PIK3R5: variants seen among roughly 807,000 people sequenced by gnomAD.
PIK3R5 encodes the protein phosphoinositide 3-kinase regulatory subunit 5.
PIK3R5 carries 32 observed loss-of-function variants against 94.9 expected under a neutral mutation model. The observed-to-expected ratio is 0.34, with a 90% CI of 0.25 to 0.45. PIK3R5 has a LOEUF of 0.45. Among genes scored for constraint, PIK3R5 ranks in the 20% least tolerant of loss-of-function variants. The pLI is 1.00. For missense variants in PIK3R5, 853 were observed against 1,144.6 expected, an observed-to-expected ratio of 0.75 and a Z score of 3.68; for synonymous variants, 443 against 479.4, an observed-to-expected ratio of 0.92 and a Z score of 0.99.
At chr17:8,886,065 C>G (rs2089842385) in intron 14 of PIK3R5, among the ~76,000 whole-genome samples, 164 bp downstream of exon 14, 2 of 151,974 alleles carry the variant, frequency 1.3e-5, no homozygotes, top group South Asian at 2.1e-4. Context: ...CCCAGCCACC[C>G]CATGGCCCCA....
chr17:8,886,454 G>T (rs546149207), intron 13 of PIK3R5, 23 bp downstream of exon 13: 2 of 1,596,534 alleles, frequency 1.3e-6, no homozygotes, highest in Admixed American at 3.4e-5. Context: ...GGGAAGAGGC[G>T]GTTCGGGGCA....
In PIK3R5 at chr17:8,946,080, C is replaced by A. The variant is rs2091265164; in HGVS notation, c.-14+19516G>T. ...GGCAAGTCATCCCTATTGTGCCCAG[C>A]CCAAATTCCTGGCCCACAGAATCCA... is the stretch of plus-strand genomic sequence containing the variant. On this transcript the variant is annotated intron_variant, in intron 1 of 18. Coordinates refer to ENST00000447110, the MANE Select transcript of PIK3R5 (RefSeq NM_001142633.3). 2.0e-5 allele frequency among the ~76,000 whole-genome samples: 3 copies of A among 152,310 alleles called. No homozygotes were observed. The South Asian group carries it at 6.2e-4, about 32-fold the overall frequency.
intron 1 of PIK3R5, among the ~76,000 whole-genome samples, chr17:8,912,872 T>A (rs530220324): frequency 5.3e-5 from 8 of 152,218 alleles, no homozygotes; most frequent in Non-Finnish European, 1.2e-4. Flanking sequence ...CTCTCCAGCA[T>A]CCTTTCACAG....
At chr17:8,926,240 G>A (rs1290331705) in intron 1 of PIK3R5, among the ~76,000 whole-genome samples, 2 of 152,138 alleles carry the variant, frequency 1.3e-5, no homozygotes, top group Non-Finnish European at 2.9e-5. Flanking sequence ...ACAAGTGCAG[G>A]AAGAAAAGAC....
chr17:8,913,211 A>G (rs2151418725), intron 1 of PIK3R5, among the ~76,000 whole-genome samples: 1 of 152,282 alleles, frequency 6.6e-6, no homozygotes, highest in South Asian at 2.1e-4. Flanking sequence ...TTTAAGCTGG[A>G]TGAGGAAGCC....
intron 1 of PIK3R5, among the ~76,000 whole-genome samples, chr17:8,930,661 C>A (rs541287005): frequency 1.3e-5 from 2 of 152,242 alleles, no homozygotes; most frequent in African/African-American, 4.8e-5. Context: ...GACTATGGTC[C>A]ATCTATACTA....
At chr17:8,901,625 C>T (rs9915170) in intron 5 of PIK3R5, among the ~76,000 whole-genome samples, 1,669 of 152,242 alleles carry the variant, frequency 0.011, 30 homozygotes, top group African/African-American at 0.038. Context: ...GAGAATTAAA[C>T]GCTGCCAGTA....
At chr17:8,917,606 C>T (rs1242935350) in intron 1 of PIK3R5, among the ~76,000 whole-genome samples, 1 of 152,194 alleles carries the variant, frequency 6.6e-6, no homozygotes, top group Non-Finnish European at 1.5e-5. Flanking sequence ...TGACTCATGC[C>T]TGTAATCCCA....
intron 5 of PIK3R5, among the ~76,000 whole-genome samples, chr17:8,895,863 A>G (rs923908388): frequency 6.6e-6 from 1 of 152,132 alleles, no homozygotes; most frequent in Non-Finnish European, 1.5e-5. Flanking sequence ...CTGGTGCTGA[A>G]TACCCAAGGT....
intron 1 of PIK3R5, among the ~76,000 whole-genome samples, chr17:8,922,117 C>G (rs2090762089): frequency 6.7e-6 from 1 of 148,996 alleles, no homozygotes; most frequent in Admixed American, 6.7e-5. Flanking sequence ...TGAGTTTCAG[C>G]CTGGAGAATA....
chr17:8,910,801 C>G (rs896027241), intron 2 of PIK3R5, among the ~76,000 whole-genome samples: 3 of 151,834 alleles, frequency 2.0e-5, no homozygotes, highest in Non-Finnish European at 4.4e-5. Context: ...GGTGGCTACT[C>G]ACGGAGAAGT....
intron 1 of PIK3R5, among the ~76,000 whole-genome samples, chr17:8,943,919 G>C (rs1320748285): frequency 6.6e-6 from 1 of 150,976 alleles, no homozygotes; most frequent in Non-Finnish European, 1.5e-5. Flanking sequence ...AGGTGCGGGG[G>C]TACATGTGCA....
At chr17:8,949,862 C>T (rs375772808) in intron 1 of PIK3R5, among the ~76,000 whole-genome samples, 1 of 152,254 alleles carries the variant, frequency 6.6e-6, no homozygotes, top group South Asian at 2.1e-4. Flanking sequence ...AACTTACTCA[C>T]GTAACCAAAT....
At chr17:8,920,180 G>A (rs573930226) in intron 1 of PIK3R5, among the ~76,000 whole-genome samples, 11 of 152,108 alleles carry the variant, frequency 7.2e-5, no homozygotes, top group South Asian at 2.1e-4. Context: ...CACCATGCCC[G>A]GCCCAGAGTG....
chr17:8,942,508 A>T (rs2091200314), intron 1 of PIK3R5, among the ~76,000 whole-genome samples: 1 of 152,152 alleles, frequency 6.6e-6, no homozygotes, highest in Non-Finnish European at 1.5e-5. Context: ...CAGGTTCAAA[A>T]GACAGTCTGC....
chr17:8,885,032 T>A (rs2041392576), intron 14 of PIK3R5: 1 of 489,424 alleles, frequency 2.0e-6, no homozygotes, highest in Non-Finnish European at 3.7e-6. Context: ...GGGTCCTGCC[T>A]CTCCAGGGCC....
chr17:8,887,366 T>C (rs2089890578), intron 11 of PIK3R5, 145 bp from the exon 12 acceptor site: 6 of 1,345,712 alleles, frequency 4.5e-6, no homozygotes, highest in Middle Eastern at 2.4e-4. Context: ...CTTTGTCATA[T>C]GGCAAAATGT....
At chr17:8,917,918 C>T (rs1353551334) in intron 1 of PIK3R5, among the ~76,000 whole-genome samples, 1 of 151,996 alleles carries the variant, frequency 6.6e-6, no homozygotes, top group Non-Finnish European at 1.5e-5. Flanking sequence ...TGTACACTAG[C>T]ATTAGACAAA....
intron 5 of PIK3R5, among the ~76,000 whole-genome samples, chr17:8,901,262 C>T (rs932695567): frequency 3.9e-5 from 6 of 152,174 alleles, no homozygotes; most frequent in Non-Finnish European, 5.9e-5. Flanking sequence ...CAGAGTCCAG[C>T]GCCTCCTAAG....
Sources: gnomAD v4.1 joint callset for allele counts (sites outside exome capture counted in the v4.1 genomes callset) on GRCh38, gnomAD v4.1.1 for gene constraint, MANE v1.5 for transcripts, NCBI Gene and HGNC (gene_info 2026-07-23, HGNC 2026-07-21) for gene names.